Variants in ASTN2 observed in about 807,000 individuals in gnomAD.
The protein encoded by ASTN2 is astrotactin 2, also known as astrotactin-2.
In ASTN2, 54 loss-of-function variants were observed where a neutral mutation model predicts 139.8. The observed-to-expected ratio is 0.39, with a 90% CI of 0.31 to 0.48. ASTN2 has a LOEUF of 0.48. ASTN2 is among the 20% of genes least tolerant of loss of function. ASTN2 has a pLI of 0.95. For synonymous variants in ASTN2, 756 were observed against 719.5 expected (o/e 1.05, Z -0.81); for missense variants, 1,565 against 1,725.1 (o/e 0.91, Z 1.64).
At chr9:117,252,395 T>A (rs759406523) in intron 2 of ASTN2, among the ~76,000 whole-genome samples, 21 of 152,222 alleles carry the variant, frequency 1.4e-4, no homozygotes, top group Non-Finnish European at 2.9e-4. Context: ...TTCATTTCCC[T>A]CGTTCATTCA....
intron 2 of ASTN2, among the ~76,000 whole-genome samples, chr9:117,286,633 C>T (rs960604760): frequency 5.9e-5 from 9 of 152,192 alleles, no homozygotes; most frequent in Non-Finnish European, 4.4e-5. Context: ...ATGTAAAGTG[C>T]ACCCCAGGAT....
At chr9:117,318,875 TA>T (rs1828231040) in intron 1 of ASTN2, among the ~76,000 whole-genome samples, 1 of 152,026 alleles carries the variant, frequency 6.6e-6, no homozygotes, top group Non-Finnish European at 1.5e-5. Context: ...TTCATGAAAA[TA>T]AAGTACTCCT....
intron 19 of ASTN2, among the ~76,000 whole-genome samples, chr9:116,604,417 G>C (rs969330614): frequency 3.9e-5 from 6 of 152,070 alleles, no homozygotes; most frequent in East Asian, 1.9e-4. Context: ...AATCATGTGG[G>C]TTTATACCTC....
intron 10 of ASTN2, among the ~76,000 whole-genome samples, chr9:116,957,873 G>T (rs1316805439): frequency 1.3e-5 from 2 of 152,112 alleles, no homozygotes; most frequent in Non-Finnish European, 2.9e-5. Flanking sequence ...CTGAGACGGG[G>T]TTTCACCATG....
rs574442598 is a variant in ASTN2, at chr9:116,665,390, T to C, written c.2807-13597A>G. Reference sequence around the variant, plus strand: ...CTAATTCAGGTATTAAGAAGGTTTATGAAAAATTATGTAAACTGAAATTTC... The same window carrying C: ...CTAATTCAGGTATTAAGAAGGTTTACGAAAAATTATGTAAACTGAAATTTC... On this transcript the variant is annotated intron_variant, in intron 16 of 22. Coordinates refer to ENST00000313400, the MANE Select transcript of ASTN2 (RefSeq NM_001365068.1). Among the ~76,000 whole-genome samples, 280 of 152,280 alleles carry C rather than the reference T, an allele frequency of 1.8e-3. 15 individuals carry two copies. Among genetic ancestry groups the C allele is most frequent in the Admixed American group, 1.4e-3 (22 of 15,294 alleles).
At chr9:116,885,310 C>A (rs887474524) in intron 10 of ASTN2, among the ~76,000 whole-genome samples, 1 of 151,990 alleles carries the variant, frequency 6.6e-6, no homozygotes, top group African/African-American at 2.4e-5. Context: ...TTACATGTAA[C>A]AAAATATTAA....
chr9:116,455,900 C>T (rs142884938), intron 20 of ASTN2, among the ~76,000 whole-genome samples: 400 of 151,962 alleles, frequency 2.6e-3, no homozygotes, highest in African/African-American at 8.3e-3. Context: ...AATAGACACA[C>T]AGCTAGTATT....
chr9:117,254,838 C>T (rs1253107523), intron 2 of ASTN2, among the ~76,000 whole-genome samples: 3 of 151,950 alleles, frequency 2.0e-5, no homozygotes, highest in Non-Finnish European at 4.4e-5. Context: ...CTATTCAGTC[C>T]TTTCTGTTCC....
intron 10 of ASTN2, among the ~76,000 whole-genome samples, chr9:116,959,511 C>T (rs1199219220): frequency 2.0e-5 from 3 of 151,994 alleles, no homozygotes; most frequent in Admixed American, 1.3e-4. Context: ...TCCAGTGGCT[C>T]GTGGAGGATG....
At chr9:117,049,511 G>T (rs4838117) in intron 5 of ASTN2, among the ~76,000 whole-genome samples, 107,644 of 152,048 alleles carry the variant, frequency 0.71, 38,239 homozygotes, top group East Asian at 0.86. Context: ...TATTAGCAGA[G>T]CCCAATAATC....
At chr9:117,058,424 C>A (rs1839131818) in intron 5 of ASTN2, among the ~76,000 whole-genome samples, 1 of 152,026 alleles carries the variant, frequency 6.6e-6, no homozygotes, top group African/African-American at 2.4e-5. Context: ...TGGATTAAGT[C>A]CTTTGCAGGG....
At chr9:116,922,774 A>G (rs1027649218) in intron 10 of ASTN2, among the ~76,000 whole-genome samples, 1 of 152,250 alleles carries the variant, frequency 6.6e-6, no homozygotes, top group African/African-American at 2.4e-5. Context: ...AAATTTACCT[A>G]TGTAAATTCA....
At chr9:116,828,505 A>G (rs1831709286) in intron 11 of ASTN2, among the ~76,000 whole-genome samples, 2 of 152,168 alleles carry the variant, frequency 1.3e-5, no homozygotes, top group Admixed American at 6.5e-5. Flanking sequence ...AAAGCATTCA[A>G]TAAAATTCAA....
At position 117,186,558 on chromosome 9, in the gene ASTN2, T is replaced by TA. The variant is rs555827575; in HGVS notation, c.1015+27799dup. ...CGAGACTCTGTCTCAAAAAAATAAATAAATAAAATAAAATAAAATAAATAA... is the reference window on the plus strand; with the variant it reads ...CGAGACTCTGTCTCAAAAAAATAAATAAAATAAAATAAAATAAAATAAATAA... On this transcript the variant is annotated intron_variant, in intron 3 of 22. Transcript: ENST00000313400. Among the ~76,000 whole-genome samples the TA allele has an allele frequency of 3.3e-5, 5 of 151,042 alleles. No individual in the cohort carries two copies. The South Asian group carries it at 6.3e-4, about 19-fold the overall frequency.
intron 21 of ASTN2, 38 bp from the exon 22 acceptor site, chr9:116,440,830 G>A (rs374717902): frequency 6.3e-6 from 10 of 1,577,590 alleles, no homozygotes; most frequent in African/African-American, 4.1e-5. Flanking sequence ...TCACTGGGTG[G>A]TGAAAAAAAG....
intron 1 of ASTN2, among the ~76,000 whole-genome samples, chr9:117,341,056 T>A (rs1829048883): frequency 6.6e-6 from 1 of 152,322 alleles, no homozygotes; most frequent in South Asian, 2.1e-4. Flanking sequence ...AAGGTCAAAG[T>A]GAAGAGATAT....
chr9:117,324,310 T>C (rs919177859), intron 1 of ASTN2, among the ~76,000 whole-genome samples: 14 of 152,182 alleles, frequency 9.2e-5, no homozygotes, highest in Admixed American at 3.9e-4. Context: ...CACACTGCTA[T>C]AAAGATATTA....
At chr9:116,830,952 A>T (rs1831795486) in intron 11 of ASTN2, among the ~76,000 whole-genome samples, 1 of 151,962 alleles carries the variant, frequency 6.6e-6, no homozygotes, top group Admixed American at 6.6e-5. Flanking sequence ...TGTGGTATAC[A>T]CTCCTACCCC....
At chr9:117,191,971 G>T (rs1831361149) in intron 3 of ASTN2, among the ~76,000 whole-genome samples, 1 of 152,184 alleles carries the variant, frequency 6.6e-6, no homozygotes. Flanking sequence ...AAGAGCAAAT[G>T]TTCAGAGCAT....
Sources: allele counts gnomAD v4.1 joint callset (sites outside exome capture counted in the v4.1 genomes callset), GRCh38; gene constraint gnomAD v4.1.1; transcripts MANE v1.5; gene names NCBI Gene and HGNC (gene_info 2026-07-23, HGNC 2026-07-21).